The following TEKT5 variants were observed in gnomAD, a reference collection of about 807,000 sequenced individuals.
TEKT5 encodes the protein tektin-5.
A neutral mutation model predicts 48.7 loss-of-function variants in TEKT5; 52 were observed. The ratio of observed to expected loss-of-function variants is 1.07; its 90% CI spans 0.86 to 1.35. TEKT5 has a LOEUF of 1.35. Among genes scored for constraint, TEKT5 ranks in the 40% most tolerant of loss-of-function variants. The probability of loss-of-function intolerance (pLI) is 0.00; values close to 1 mark genes in which losing one functional copy is unlikely to be tolerated. For synonymous variants in TEKT5, 318 were observed against 267.6 expected (o/e 1.19, Z -1.84); for missense variants, 831 against 641.6 (o/e 1.30, Z -3.19).
intron 5 of TEKT5, among the ~76,000 whole-genome samples, chr16:10,641,065 G>C (rs74007200): frequency 0.022 from 3,421 of 152,218 alleles, 130 homozygotes; most frequent in African/African-American, 0.079. Context: ...TTTTCCCCCA[G>C]GTTTCTTGTT....
chr16:10,652,451 AAC>A (rs572277672), intron 5 of TEKT5, among the ~76,000 whole-genome samples: 16,585 of 66,424 alleles, frequency 0.25, 1,518 homozygotes, highest in African/African-American at 0.27. Context: ...TACACAGGCA[AAC>A]ACACACACAC....
intron 6 of TEKT5, among the ~76,000 whole-genome samples, chr16:10,634,160 G>T (rs1057017220): frequency 4.6e-5 from 7 of 152,042 alleles, no homozygotes; most frequent in Admixed American, 4.6e-4. Flanking sequence ...AACCTCTCTG[G>T]ACCTCAATTT....
intron 3 of TEKT5, among the ~76,000 whole-genome samples, 167 bp downstream of exon 3, chr16:10,689,086 C>T (rs536383180): frequency 1.3e-5 from 2 of 152,112 alleles, no homozygotes; most frequent in African/African-American, 4.8e-5. Context: ...ATGATCAGGA[C>T]TCTTTTTTTT....
At chr16:10,649,153 A>G (rs1319959961) in intron 5 of TEKT5, among the ~76,000 whole-genome samples, 2 of 151,412 alleles carry the variant, frequency 1.3e-5, no homozygotes, top group Admixed American at 1.3e-4. Context: ...GGATCTCACT[A>G]TGTTGCCTAG....
chr16:10,673,410 TATC>T (rs1898584011), intron 5 of TEKT5, among the ~76,000 whole-genome samples: 1 of 152,214 alleles, frequency 6.6e-6, no homozygotes, highest in Admixed American at 6.5e-5. Flanking sequence ...TGAAAACAGT[TATC>T]ATCTAGCCTT....
intron 5 of TEKT5, among the ~76,000 whole-genome samples, chr16:10,649,599 T>C (rs1898121826): frequency 6.6e-6 from 1 of 151,398 alleles, no homozygotes; most frequent in South Asian, 2.1e-4. Flanking sequence ...CATGCTTGGC[T>C]AGTTTTTGTA....
rs1898763088 is a variant in TEKT5, at chr16:10,682,020, A to G, written c.836T>C (p.Phe279Ser). 4 of 1,613,952 alleles carry G rather than the reference A, an allele frequency of 2.5e-6. No homozygotes were observed. The African/African-American group carries it at 5.3e-5, about 22-fold the overall frequency. Residue 279 changes from phenylalanine to serine, a missense_variant, in exon 4 of 7, where the codon TTC becomes TCC. Phe to Ser is a radical substitution (Grantham distance 155). Coordinates refer to ENST00000283025, the MANE Select transcript of TEKT5 (RefSeq NM_144674.2). ...GCCGTCAATTTTCTCCATGCCGTGG[A>G]AGAAGCTGATGCAGTCTGACGTATT... is the stretch of plus-strand genomic sequence containing the variant. The part of the protein sequence containing the change: ...LRNTSDCISF[F>S]HGMEKIDGTI...
At chr16:10,636,074 C>A (rs1897909339) in intron 5 of TEKT5, among the ~76,000 whole-genome samples, 156 bp from the exon 6 acceptor site, 1 of 152,160 alleles carries the variant, frequency 6.6e-6, no homozygotes, top group Non-Finnish European at 1.5e-5. Flanking sequence ...GGAAGCTCAC[C>A]CTTCCTAAGA....
chr16:10,685,152 G>A (rs1053096887), intron 3 of TEKT5, among the ~76,000 whole-genome samples: 1 of 152,164 alleles, frequency 6.6e-6, no homozygotes, highest in Non-Finnish European at 1.5e-5. Flanking sequence ...TCGGCCTCCA[G>A]TCTCCACAAA....
intron 1 of TEKT5, 172 bp from the exon 2 acceptor site, chr16:10,690,197 G>A (rs575753848): frequency 4.1e-5 from 26 of 635,910 alleles, no homozygotes; most frequent in Admixed American, 1.2e-4. Flanking sequence ...CCTTCTCCCC[G>A]GATGAGAGCT....
chr16:10,628,493 C>T (rs944027705), intron 6 of TEKT5, among the ~76,000 whole-genome samples: 1 of 152,176 alleles, frequency 6.6e-6, no homozygotes. Flanking sequence ...TTCACGGCAG[C>T]CCTATTCACG....
chr16:10,640,820 T>C (rs1596402130), intron 5 of TEKT5, among the ~76,000 whole-genome samples: 1 of 152,330 alleles, frequency 6.6e-6, no homozygotes, highest in Admixed American at 6.5e-5. Context: ...ATCTGTTTCA[T>C]TTCATTGCAC....
intron 6 of TEKT5, among the ~76,000 whole-genome samples, chr16:10,629,120 C>T (rs2142252233): frequency 6.6e-6 from 1 of 152,208 alleles, no homozygotes; most frequent in East Asian, 1.9e-4. Context: ...TAGAAGATTG[C>T]TTAATGGGTA....
intron 5 of TEKT5, among the ~76,000 whole-genome samples, chr16:10,644,513 T>C (rs1898041543): frequency 1.3e-5 from 2 of 152,158 alleles, no homozygotes; most frequent in Non-Finnish European, 2.9e-5. Flanking sequence ...AAGAAAGAGC[T>C]TCCCTGTCTA....
intron 3 of TEKT5, among the ~76,000 whole-genome samples, chr16:10,686,613 C>G (rs914215737): frequency 2.6e-5 from 4 of 152,086 alleles, no homozygotes; most frequent in Non-Finnish European, 5.9e-5. Context: ...GAGATTACAT[C>G]AAACGAAAAA....
At chr16:10,688,921 G>C (rs1344895592) in intron 3 of TEKT5, among the ~76,000 whole-genome samples, 1 of 152,202 alleles carries the variant, frequency 6.6e-6, no homozygotes, top group East Asian at 1.9e-4. Context: ...CCTCAGGGAG[G>C]CCAGTTGCCT....
chr16:10,655,768 C>G (rs977935375), intron 5 of TEKT5, among the ~76,000 whole-genome samples: 1 of 152,202 alleles, frequency 6.6e-6, no homozygotes, highest in Non-Finnish European at 1.5e-5. Flanking sequence ...CTCCAGCAGC[C>G]TCCTTGGACC....
Position 10,627,637 on chromosome 16 carries a change from G to A in TEKT5, c.1404C>T (p.Cys468=). The A allele has an allele frequency of 1.2e-6, 2 of 1,614,194 alleles. No individual in the cohort carries two copies. Among genetic ancestry groups the A allele is most frequent in the East Asian group, 2.2e-5 (1 of 44,862 alleles). The change falls in exon 7 of 7, where the codon TGC becomes TGT. Residue 468 remains cysteine, a synonymous_variant. Coordinates refer to ENST00000283025, the MANE Select transcript of TEKT5 (RefSeq NM_144674.2). Reference sequence around the variant, plus strand: ...AGGGGAAGGTCTTACGCATGCCCATGCACTTCTCCTTGTCGATGCAGAGGG... The same window carrying A: ...AGGGGAAGGTCTTACGCATGCCCATACACTTCTCCTTGTCGATGCAGAGGG... ...ANTLCIDKEK[C]MGMRKTFPCT... is the part of the protein sequence containing the mutation.
intron 4 of TEKT5, among the ~76,000 whole-genome samples, chr16:10,681,529 G>A (rs1283377171): frequency 6.6e-6 from 1 of 151,832 alleles, no homozygotes; most frequent in African/African-American, 2.4e-5. Flanking sequence ...AATTCACTCT[G>A]TTAAACCACC....
Sources: gnomAD v4.1 joint callset for allele counts (sites outside exome capture counted in the v4.1 genomes callset) on GRCh38, gnomAD v4.1.1 for gene constraint, MANE v1.5 for transcripts, NCBI Gene and HGNC (gene_info 2026-07-23, HGNC 2026-07-21) for gene names.